CCDC196: variants seen among roughly 807,000 people sequenced by gnomAD.
CCDC196 encodes coiled-coil domain containing 196.
chr14:66,491,098 A>G lies in CCDC196; in HGVS notation c.507A>G (p.Ile169Met). Residue 169 changes from isoleucine to methionine, a missense_variant, in exon 6 of 10, where the codon ATA becomes ATG. Coordinates refer to ENST00000636229, the MANE Select transcript of CCDC196 (RefSeq NM_001351576.1). The part of the protein sequence containing the change: ...EKSFAEKVKE[I>M]RKEKQQRKME... Reference sequence around the variant, plus strand: ...CATTTGCAGAGAAAGTGAAGGAGATAAGGAAGGTAGTACAGCCATTCTGAA... The same window carrying G: ...CATTTGCAGAGAAAGTGAAGGAGATGAGGAAGGTAGTACAGCCATTCTGAA... 2.4e-6 allele frequency: 1 copy of G among 413,454 alleles called. No individual in the cohort carries two copies. Among genetic ancestry groups the G allele is most frequent in the Non-Finnish European group, 4.4e-6 (1 of 226,134 alleles). The allele number at this position is 413,454 out of a possible 1,614,324, so 25.6% of individuals were successfully genotyped here. A position where few individuals can be genotyped will look rare whatever the true frequency, so the allele number is the denominator to read the frequency against.
chr14:66,489,396 C>G (rs990433748), intron 4 of CCDC196, among the ~76,000 whole-genome samples: 1 of 152,148 alleles, frequency 6.6e-6, no homozygotes, highest in Non-Finnish European at 1.5e-5. Context: ...CTTGCCTTCT[C>G]CACTGCCTGT....
Position 66,498,413 on chromosome 14 carries a change from A to G in CCDC196, c.835A>G (p.Asn279Asp), listed in dbSNP as rs2057716900. ...QQGTKGSQLDNTGGRLFFLRS... is the reference protein window; with the variant it reads ...QQGTKGSQLDDTGGRLFFLRS... ...AGGAACTAAAGGAAGTCAGCTTGAT[A>G]ATACAGGAGGGAGACTCTTTTTTCT... The change falls in exon 10 of 10, where the codon AAT becomes GAT. Residue 279 changes from asparagine (N) to aspartate (D), a missense_variant. Coordinates refer to ENST00000636229, the MANE Select transcript of CCDC196 (RefSeq NM_001351576.1). 1 of 413,384 alleles carries G rather than the reference A, an allele frequency of 2.4e-6. No individual in the cohort carries two copies. Among genetic ancestry groups the G allele is most frequent in the Non-Finnish European group, 4.4e-6 (1 of 225,902 alleles). The allele number at this position is 413,384 out of a possible 1,614,324, so 25.6% of individuals were successfully genotyped here.
Position 66,486,451 on chromosome 14 carries a change from A to C in CCDC196, c.-52A>C, listed in dbSNP as rs2057400032. The C allele has an allele frequency of 2.5e-6, 1 of 403,812 alleles. No individual in the cohort carries two copies. Among genetic ancestry groups the C allele is most frequent in the Non-Finnish European group, 4.4e-6 (1 of 225,930 alleles). 25.0% of individuals were successfully genotyped at this position (403,812 alleles called of 1,614,324 possible). ...ATAATGACTTAACTGGATAGAAAAAAAGGCACATATTTTCAGGAAGGCCTC... is the reference window on the plus strand; with the variant it reads ...ATAATGACTTAACTGGATAGAAAAACAGGCACATATTTTCAGGAAGGCCTC... On this transcript the variant is annotated 5_prime_UTR_variant, in exon 1 of 10. Transcript: ENST00000636229.
At chr14:66,496,166 A>G in intron 8 of CCDC196, 1 of 430,994 alleles carries the variant, frequency 2.3e-6, no homozygotes. Flanking sequence ...AACCTGTCTT[A>G]GAGAAAGGGT....
intron 8 of CCDC196, chr14:66,496,783 A>C (rs2057677000): frequency 6.3e-6 from 1 of 159,762 alleles, no homozygotes; most frequent in African/African-American, 2.4e-5. Context: ...TGATTCTGAT[A>C]GCTTTGCTTT....
At chr14:66,487,294 C>A (rs2057427561) in intron 2 of CCDC196, among the ~76,000 whole-genome samples, 1 of 152,110 alleles carries the variant, frequency 6.6e-6, no homozygotes, top group Non-Finnish European at 1.5e-5. Context: ...ACTTGGGACC[C>A]ACAAACTCTG....
chr14:66,496,932 T>C (rs2139617611), intron 8 of CCDC196: 1 of 152,604 alleles, frequency 6.6e-6, no homozygotes, highest in Admixed American at 6.5e-5. Flanking sequence ...TGAATACTCT[T>C]TGAGACCTTA....
intron 8 of CCDC196, among the ~76,000 whole-genome samples, chr14:66,493,330 T>C (rs1317814284): frequency 6.6e-6 from 1 of 152,152 alleles, no homozygotes; most frequent in Non-Finnish European, 1.5e-5. Flanking sequence ...AGGCTACAAA[T>C]TTGGTTCTGA....
Position 66,486,508 on chromosome 14 carries a change from A to T in CCDC196, c.6A>T (p.Thr2=), listed in dbSNP as rs1033922590. 82 of 412,474 alleles carry T rather than the reference A, an allele frequency of 2.0e-4. No individual in the cohort carries two copies. The highest frequency in any genetic ancestry group is 6.3e-4 in the Middle Eastern group (1 of 1,588). The allele number at this position is 412,474 out of a possible 1,614,324, so 25.6% of individuals were successfully genotyped here. M[T]SGANSSGSYL... is the part of the protein sequence containing the mutation. ...CTTAGAAGTTACCCTTCAAGATGAC[A>T]AGTGGTGCAAACTCTTCAGGATCTT... The change falls in exon 1 of 10, where the codon ACA becomes ACT. Residue 2 remains threonine, a synonymous_variant. Coordinates refer to ENST00000636229, the MANE Select transcript of CCDC196 (RefSeq NM_001351576.1).
chr14:66,492,089 G>A lies in CCDC196; in HGVS notation c.610G>A (p.Glu204Lys), dbSNP rs1029771381. The stretch of plus-strand genomic sequence containing the variant: ...TGGCAAAGTGATTGAGCTGAGAATT[G>A]AAGCCTTGAAGAACTACCAGAAGGC... Reference protein sequence around the residue: ...FHGKVIELRIEALKNYQKAND... With the variant: ...FHGKVIELRIKALKNYQKAND... The change falls in exon 8 of 10, where the codon GAA (glutamate) becomes AAA (lysine). Residue 204 changes from glutamate (E) to lysine (K), a missense_variant. Glu to Lys is a moderately conservative substitution (Grantham distance 56, BLOSUM62 1). Coordinates refer to ENST00000636229, the MANE Select transcript of CCDC196 (RefSeq NM_001351576.1). The A allele has an allele frequency of 4.8e-6, 2 of 413,388 alleles. No individual in the cohort carries two copies. Among genetic ancestry groups the A allele is most frequent in the African/African-American group, 4.1e-5 (2 of 48,620 alleles). The allele number at this position is 413,388 out of a possible 1,614,324, so 25.6% of individuals were successfully genotyped here. A position where few individuals can be genotyped will look rare whatever the true frequency, so the allele number is the denominator to read the frequency against.
At position 66,498,096 on chromosome 14, in the gene CCDC196, T is replaced by G. The variant is rs1002225684; in HGVS notation, c.716-13T>G. ...TCAAAAGAAGCTCTTATTTTCCTAA[T>G]GTTTCCCCTTAGGTACTATGGGCAT... On this transcript the variant is annotated splice_polypyrimidine_tract_variant and intron_variant, in intron 8 of 9. Coordinates refer to ENST00000636229, the MANE Select transcript of CCDC196 (RefSeq NM_001351576.1). The G allele has an allele frequency of 2.4e-6, 1 of 411,508 alleles. No homozygotes were observed. The highest frequency in any genetic ancestry group is 2.1e-5 in the African/African-American group (1 of 48,450). 25.5% of individuals were successfully genotyped at this position (411,508 alleles called of 1,614,324 possible).
chr14:66,497,810 A>C (rs2139621317), intron 8 of CCDC196, among the ~76,000 whole-genome samples: 1 of 151,930 alleles, frequency 6.6e-6, no homozygotes, highest in African/African-American at 2.4e-5. Flanking sequence ...AAATATATCT[A>C]TCTGGTTTAT....
In CCDC196 at chr14:66,498,388, A is replaced by G; in HGVS notation, c.810A>G (p.Gln270=). The G allele has an allele frequency of 2.4e-6, 1 of 413,262 alleles. No individual in the cohort carries two copies. Among genetic ancestry groups the G allele is most frequent in the Non-Finnish European group, 4.4e-6 (1 of 225,836 alleles). The allele number at this position is 413,262 out of a possible 1,614,324, so 25.6% of individuals were successfully genotyped here. The change falls in exon 10 of 10, where the codon CAA becomes CAG. Residue 270 remains glutamine, a synonymous_variant. Coordinates refer to ENST00000636229, the MANE Select transcript of CCDC196 (RefSeq NM_001351576.1). ...ILGTKIYTEQ[Q]GTKGSQLDNT... ...GAACAAAGATCTACACAGAACAACA[A>G]GGAACTAAAGGAAGTCAGCTTGATA...
rs2057716595 is a variant in CCDC196, at chr14:66,498,393, C to A, written c.815C>A (p.Thr272Asn). Residue 272 changes from threonine (T) to asparagine (N), a missense_variant, in exon 10 of 10, where the codon ACT becomes AAT. By Grantham distance (65) the Thr-to-Asn change is moderately conservative. Coordinates refer to ENST00000636229, the MANE Select transcript of CCDC196 (RefSeq NM_001351576.1). ...AAGATCTACACAGAACAACAAGGAA[C>A]TAAAGGAAGTCAGCTTGATAATACA... ...GTKIYTEQQGTKGSQLDNTGG... is the reference protein window; with the variant it reads ...GTKIYTEQQGNKGSQLDNTGG... 2.4e-6 allele frequency: 1 copy of A among 413,244 alleles called. No individual in the cohort carries two copies. Among genetic ancestry groups the A allele is most frequent in the Non-Finnish European group, 4.4e-6 (1 of 225,822 alleles). The allele number at this position is 413,244 out of a possible 1,614,324, so 25.6% of individuals were successfully genotyped here. A position where few individuals can be genotyped will look rare whatever the true frequency, so the allele number is the denominator to read the frequency against.
chr14:66,493,268 C>T lies in CCDC196; in HGVS notation c.715+1074C>T, dbSNP rs76525771. Among the ~76,000 whole-genome samples, 1,077 of 152,118 alleles carry T rather than the reference C, an allele frequency of 7.1e-3. 4 individuals carry two copies. Among genetic ancestry groups the T allele is most frequent in the Non-Finnish European group, 0.011 (768 of 67,996 alleles). ...AAGAAAAGGGAAAATAAGTTGAAGC[C>T]GGGCAAATACACAAGAATGCATAAT... On this transcript the variant is annotated intron_variant, in intron 8 of 9. Coordinates refer to ENST00000636229, the MANE Select transcript of CCDC196 (RefSeq NM_001351576.1).
intron 8 of CCDC196, chr14:66,496,144 T>C (rs1197677928): frequency 5.4e-6 from 2 of 371,322 alleles, no homozygotes; most frequent in African/African-American, 2.1e-5. Context: ...TTCAAAAGAA[T>C]TGAATTGCAC....
chr14:66,494,052 T>G lies in CCDC196; in HGVS notation c.715+1858T>G, dbSNP rs1249829486. The G allele has an allele frequency of 2.0e-5, 3 of 152,372 alleles. No individual in the cohort carries two copies. In the East Asian group the frequency reaches 5.8e-4, roughly 29 times the overall value. 9.4% of individuals were successfully genotyped at this position (152,372 alleles called of 1,614,324 possible). A position where few individuals can be genotyped will look rare whatever the true frequency, so the allele number is the denominator to read the frequency against. On this transcript the variant is annotated intron_variant, in intron 8 of 9. Transcript: ENST00000636229. ...AGGAGATATTTTTTCTCCTTGCATG[T>G]AAAACATTGAATCAACTTTGAATTG...
chr14:66,497,162 TA>T (rs1256479783), intron 8 of CCDC196, among the ~76,000 whole-genome samples: 1 of 152,176 alleles, frequency 6.6e-6, no homozygotes, highest in Non-Finnish European at 1.5e-5. Flanking sequence ...TGCTTTCAAG[TA>T]CAGGCTTTTT....
rs925758000 is a variant in CCDC196 at position 66,496,586 on chromosome 14, G to A, written c.716-1523G>A. 8 of 341,350 alleles carry A rather than the reference G, an allele frequency of 2.3e-5. No homozygotes were observed. The Admixed American group carries it at 3.0e-4, about 13-fold the overall frequency. The allele number at this position is 341,350 out of a possible 1,614,324, so 21.1% of individuals were successfully genotyped here. A position where few individuals can be genotyped will look rare whatever the true frequency, so the allele number is the denominator to read the frequency against. On this transcript the variant is annotated intron_variant, in intron 8 of 9. Coordinates refer to ENST00000636229, the MANE Select transcript of CCDC196 (RefSeq NM_001351576.1). ...GTGTAAAATTATAATTTGATTCAGG[G>A]TGTATTGTAGGCCCTCCCTAACTTC... is the stretch of plus-strand genomic sequence containing the variant.
Sources: allele counts gnomAD v4.1 joint callset (sites outside exome capture counted in the v4.1 genomes callset), GRCh38; gene constraint gnomAD v4.1.1; transcripts MANE v1.5; gene names NCBI Gene and HGNC (gene_info 2026-07-23, HGNC 2026-07-21).